Variants in PALLD observed in about 807,000 individuals in gnomAD.
PALLD encodes the protein palladin, cytoskeletal associated protein.
Under a neutral mutation model 123.5 loss-of-function variants are expected in PALLD, and 61 were observed. That is an observed-to-expected ratio of 0.49 (90% CI 0.40 to 0.61). The LOEUF (loss-of-function observed/expected upper bound fraction) is 0.61, where lower values mean the gene tolerates loss of function less well. Among genes scored for constraint, PALLD ranks in the 20% least tolerant of loss-of-function variants. The pLI, the probability that PALLD is intolerant of heterozygous loss-of-function variation, is 0.00. For missense variants in PALLD, 1,273 were observed against 1,377.0 expected, an observed-to-expected ratio of 0.92 and a Z score of 1.20; for synonymous variants, 465 against 496.4, an observed-to-expected ratio of 0.94 and a Z score of 0.84.
chr4:168,845,236 C>T (rs773714878), intron 10 of PALLD, among the ~76,000 whole-genome samples: 21 of 152,104 alleles, frequency 1.4e-4, no homozygotes, highest in Non-Finnish European at 1.3e-4. Context: ...GGTCAGAAAT[C>T]GAACAAAATA....
chr4:168,597,414 A>G (rs1053237110), intron 2 of PALLD, among the ~76,000 whole-genome samples: 2 of 152,076 alleles, frequency 1.3e-5, no homozygotes, highest in Admixed American at 6.6e-5. Context: ...ATTTTTATTT[A>G]GAATGAGAAT....
At chr4:168,836,497 C>A (rs1219236574) in intron 10 of PALLD, among the ~76,000 whole-genome samples, 1 of 152,104 alleles carries the variant, frequency 6.6e-6, no homozygotes, top group Admixed American at 6.5e-5. Flanking sequence ...AAAGTACAGA[C>A]ACTGAAATTT....
At chr4:168,836,079 G>C (rs753271311) in intron 10 of PALLD, among the ~76,000 whole-genome samples, 19 of 152,282 alleles carry the variant, frequency 1.2e-4, no homozygotes, top group Non-Finnish European at 2.4e-4. Flanking sequence ...ATGTGCTTTA[G>C]GGTTGACCGT....
intron 10 of PALLD, among the ~76,000 whole-genome samples, chr4:168,868,884 G>A (rs1427402037): frequency 6.6e-6 from 1 of 152,198 alleles, no homozygotes; most frequent in Non-Finnish European, 1.5e-5. Context: ...AGAGATGACT[G>A]AAGTTCTCAC....
chr4:168,780,812 C>T lies in PALLD; in HGVS notation c.1964+68889C>T, dbSNP rs548159344. ...TAGCGATTCTCCTGCCTCAGCCTCC[C>T]GAGTAGCTGGGACTGCAGGCACCTG... On this transcript the variant is annotated intron_variant, in intron 10 of 21. Coordinates refer to ENST00000505667, the MANE Select transcript of PALLD (RefSeq NM_001166108.2). 4.0e-5 allele frequency among the ~76,000 whole-genome samples: 6 copies of T among 151,522 alleles called. No homozygotes were observed. In the South Asian group the frequency reaches 1.0e-3, roughly 26 times the overall value.
In PALLD at chr4:168,890,912, T is replaced by A. The variant is rs149239490; in HGVS notation, c.1965-10T>A. 4.1e-5 allele frequency: 66 copies of A among 1,614,040 alleles called. 1 individual carries two copies. In the African/African-American group the frequency reaches 8.4e-4, roughly 21 times the overall value. Reference sequence around the variant, plus strand: ...AACTAACTATACTGCCTTGTGTTTTTATCCTGCAGAGGATTTCCAAAGAAG... The same window carrying A: ...AACTAACTATACTGCCTTGTGTTTTAATCCTGCAGAGGATTTCCAAAGAAG... On this transcript the variant is annotated splice_polypyrimidine_tract_variant and intron_variant, in intron 10 of 21. Coordinates refer to ENST00000505667, the MANE Select transcript of PALLD (RefSeq NM_001166108.2).
intron 2 of PALLD, among the ~76,000 whole-genome samples, chr4:168,579,251 G>C (rs17650886): frequency 6.6e-6 from 1 of 152,060 alleles, no homozygotes; most frequent in Non-Finnish European, 1.5e-5. Context: ...ACGTCATTTC[G>C]TACCTTCATG....
At chr4:168,563,386 C>T (rs1210330317) in intron 2 of PALLD, among the ~76,000 whole-genome samples, 1 of 152,172 alleles carries the variant, frequency 6.6e-6, no homozygotes, top group Non-Finnish European at 1.5e-5. Flanking sequence ...CATTTAAAGA[C>T]ACATAGACCA....
At chr4:168,746,380 CAAAAAA>C (rs747755592) in intron 10 of PALLD, among the ~76,000 whole-genome samples, 133 of 36,996 alleles carry the variant, frequency 3.6e-3, no homozygotes, top group East Asian at 9.6e-3. Context: ...GAACCCGTCT[CAAAAAA>C]AAAAAAAAAA....
chr4:168,552,715 G>A (rs993040588), intron 2 of PALLD, among the ~76,000 whole-genome samples: 3 of 151,956 alleles, frequency 2.0e-5, no homozygotes, highest in South Asian at 2.1e-4. Context: ...TCACTCTGTC[G>A]GCCAGGCTGG....
At chr4:168,728,516 T>A (rs1265520785) in intron 10 of PALLD, among the ~76,000 whole-genome samples, 1 of 152,218 alleles carries the variant, frequency 6.6e-6, no homozygotes, top group Non-Finnish European at 1.5e-5. Flanking sequence ...ACATTACTGG[T>A]GTATAGAAAT....
chr4:168,880,956 G>A (rs2151137207), intron 10 of PALLD, among the ~76,000 whole-genome samples: 1 of 152,092 alleles, frequency 6.6e-6, no homozygotes, highest in East Asian at 1.9e-4. Flanking sequence ...TGTCCAGGCT[G>A]GAATGCAGTG....
At chr4:168,875,097 T>TTGGAAATACATAGTATTTCCAAAATACTA (rs972985776) in intron 10 of PALLD, among the ~76,000 whole-genome samples, 5 of 152,034 alleles carry the variant, frequency 3.3e-5, no homozygotes, top group South Asian at 2.1e-4. Flanking sequence ...TACATACTAT[T>TTGGAAATACATAGTATTTCCAAAATACTA]TGGAAATACA....
intron 2 of PALLD, among the ~76,000 whole-genome samples, chr4:168,577,399 G>C (rs140129173): frequency 2.1e-4 from 32 of 152,104 alleles, no homozygotes; most frequent in African/African-American, 7.7e-4. Flanking sequence ...GCCATATTTA[G>C]TTTGCTTTAA....
intron 1 of PALLD, among the ~76,000 whole-genome samples, chr4:168,503,850 A>G (rs1018186676): frequency 2.0e-5 from 3 of 152,120 alleles, no homozygotes; most frequent in African/African-American, 7.2e-5. Context: ...GTCCACGGGT[A>G]TGTTTAACCT....
intron 10 of PALLD, among the ~76,000 whole-genome samples, chr4:168,814,895 C>CG (rs780063407): frequency 1.1e-4 from 16 of 152,284 alleles, no homozygotes; most frequent in South Asian, 2.1e-4. Context: ...CTCAGCCTCC[C>CG]AAGTAGCTGG....
intron 21 of PALLD, chr4:168,925,507 C>A: frequency 1.9e-6 from 1 of 526,042 alleles, no homozygotes; most frequent in Non-Finnish European, 3.4e-6. Context: ...ACGTGTGTTC[C>A]ATTGATCCTG....
At chr4:168,594,168 GA>G (rs1405713626) in intron 2 of PALLD, among the ~76,000 whole-genome samples, 1 of 151,992 alleles carries the variant, frequency 6.6e-6, no homozygotes, top group African/African-American at 2.4e-5. Context: ...TTTAAAAGAG[GA>G]AAAAAATCAA....
At chr4:168,557,362 A>G (rs1767428379) in intron 2 of PALLD, among the ~76,000 whole-genome samples, 2 of 152,128 alleles carry the variant, frequency 1.3e-5, no homozygotes, top group African/African-American at 4.8e-5. Context: ...TTCGTTCAAT[A>G]TACGTTTGCC....
Sources: allele counts gnomAD v4.1 joint callset (sites outside exome capture counted in the v4.1 genomes callset), GRCh38; gene constraint gnomAD v4.1.1; transcripts MANE v1.5; gene names NCBI Gene and HGNC (gene_info 2026-07-23, HGNC 2026-07-21).